The following PAPPA2 variants were observed in gnomAD, a reference collection of about 807,000 sequenced individuals.
PAPPA2 encodes the protein pappalysin-2.
A neutral mutation model predicts 176.4 loss-of-function variants in PAPPA2; 86 were observed. That is an observed-to-expected ratio of 0.49 (90% confidence interval 0.41 to 0.58). The LOEUF (loss-of-function observed/expected upper bound fraction) is 0.58. PAPPA2 is among the 20% of genes least tolerant of loss of function. The probability of loss-of-function intolerance (pLI) is 0.00; values close to 1 mark genes in which losing one functional copy is unlikely to be tolerated. For missense variants in PAPPA2, 2,073 were observed against 2,256.9 expected (o/e 0.92, Z 1.65); for synonymous variants, 809 against 852.2 (o/e 0.95, Z 0.88).
At chr1:176,547,486 T>G (rs1456327643) in intron 1 of PAPPA2, among the ~76,000 whole-genome samples, 2 of 152,204 alleles carry the variant, frequency 1.3e-5, no homozygotes, top group Non-Finnish European at 2.9e-5. Context: ...CCTGCCTCAA[T>G]GACATCTGCC....
At chr1:176,818,892 G>A (rs959200249) in intron 21 of PAPPA2, among the ~76,000 whole-genome samples, 1 of 152,134 alleles carries the variant, frequency 6.6e-6, no homozygotes, top group Non-Finnish European at 1.5e-5. Flanking sequence ...TCACTCTCTT[G>A]TTCTCTGCCC....
chr1:176,664,296 G>C (rs1462835335), intron 3 of PAPPA2, among the ~76,000 whole-genome samples: 1 of 152,188 alleles, frequency 6.6e-6, no homozygotes, highest in African/African-American at 2.4e-5. Context: ...CTTTGTGGAA[G>C]TTCTAGAGGA....
At chr1:176,773,932 A>G (rs1364015588) in intron 17 of PAPPA2, among the ~76,000 whole-genome samples, 3 of 152,156 alleles carry the variant, frequency 2.0e-5, no homozygotes, top group African/African-American at 7.2e-5. Context: ...CACGGATGGC[A>G]TATTCATCCC....
At chr1:176,558,332 C>T (rs930839254) in intron 2 of PAPPA2, among the ~76,000 whole-genome samples, 1 of 152,162 alleles carries the variant, frequency 6.6e-6, no homozygotes, top group African/African-American at 2.4e-5. Context: ...ACACTTGAAT[C>T]GCTTGAAGAT....
chr1:176,826,018 A>G (rs1325522443), intron 21 of PAPPA2, among the ~76,000 whole-genome samples: 1 of 152,130 alleles, frequency 6.6e-6, no homozygotes, highest in East Asian at 1.9e-4. Flanking sequence ...AATTATTACC[A>G]TTGCTACCAT....
At chr1:176,465,103 A>T (rs1651555055) in intron 1 of PAPPA2, among the ~76,000 whole-genome samples, 1 of 152,192 alleles carries the variant, frequency 6.6e-6, no homozygotes, top group Admixed American at 6.5e-5. Context: ...TGTTTGTTGC[A>T]TTCTGACATG....
chr1:176,565,872 G>A (rs1390989744), intron 2 of PAPPA2, among the ~76,000 whole-genome samples: 1 of 152,128 alleles, frequency 6.6e-6, no homozygotes, highest in African/African-American at 2.4e-5. Flanking sequence ...TAGTTGAAGT[G>A]GGTTCTCTCA....
intron 3 of PAPPA2, among the ~76,000 whole-genome samples, chr1:176,607,444 G>A (rs1466455855): frequency 2.0e-5 from 3 of 152,134 alleles, no homozygotes; most frequent in Admixed American, 6.5e-5. Flanking sequence ...TCCCACATAT[G>A]AGTGAGAGCA....
intron 21 of PAPPA2, among the ~76,000 whole-genome samples, chr1:176,813,967 G>A (rs1463874837): frequency 6.6e-6 from 1 of 152,154 alleles, no homozygotes; most frequent in Non-Finnish European, 1.5e-5. Flanking sequence ...TGTATATGGT[G>A]TAAGGAAGGG....
intron 3 of PAPPA2, among the ~76,000 whole-genome samples, chr1:176,647,216 A>G (rs1263081550): frequency 6.6e-6 from 1 of 151,662 alleles, no homozygotes; most frequent in Non-Finnish European, 1.5e-5. Context: ...CTCTTTTGAT[A>G]AATGTCTATT....
chr1:176,676,024 G>A (rs1659271352), intron 4 of PAPPA2, among the ~76,000 whole-genome samples: 1 of 151,956 alleles, frequency 6.6e-6, no homozygotes, highest in African/African-American at 2.4e-5. Flanking sequence ...TGAAACCACA[G>A]CAAGGTAACA....
At chr1:176,750,004 T>C (rs1428745785) in intron 14 of PAPPA2, among the ~76,000 whole-genome samples, 1 of 152,218 alleles carries the variant, frequency 6.6e-6, no homozygotes, top group African/African-American at 2.4e-5. Context: ...AGGAATGTGA[T>C]TGCTGGATCA....
chr1:176,733,257 T>C (rs938178010), intron 12 of PAPPA2, among the ~76,000 whole-genome samples: 1 of 152,182 alleles, frequency 6.6e-6, no homozygotes, highest in Non-Finnish European at 1.5e-5. Context: ...TATTTCTATA[T>C]CCATGATTGA....
chr1:176,529,658 C>T (rs1479606659), intron 1 of PAPPA2, among the ~76,000 whole-genome samples: 2 of 152,192 alleles, frequency 1.3e-5, no homozygotes, highest in Non-Finnish European at 1.5e-5. Flanking sequence ...TCCAAATGTG[C>T]CCTGACGTTG....
At chr1:176,717,519 T>C (rs1558539647) in intron 12 of PAPPA2, among the ~76,000 whole-genome samples, 1 of 152,336 alleles carries the variant, frequency 6.6e-6, no homozygotes, top group East Asian at 1.9e-4. Flanking sequence ...GAGCTCACTG[T>C]CTATGGGGTA....
chr1:176,767,313 G>A (rs1664019311), intron 15 of PAPPA2, among the ~76,000 whole-genome samples: 1 of 152,330 alleles, frequency 6.6e-6, no homozygotes, highest in South Asian at 2.1e-4. Flanking sequence ...GACAGGAGAA[G>A]CACCAGGCAA....
At chr1:176,523,516 A>G (rs1649314891) in intron 1 of PAPPA2, among the ~76,000 whole-genome samples, 1 of 152,210 alleles carries the variant, frequency 6.6e-6, no homozygotes, top group Non-Finnish European at 1.5e-5. Context: ...ACACTTGGGA[A>G]ATTTCTGACA....
At chr1:176,497,579 T>C (rs1572970336) in intron 1 of PAPPA2, among the ~76,000 whole-genome samples, 1 of 152,138 alleles carries the variant, frequency 6.6e-6, no homozygotes, top group Non-Finnish European at 1.5e-5. Context: ...TGAGCCAACA[T>C]TGAAGAAATT....
chr1:176,630,031 C>A (rs1464798842), intron 3 of PAPPA2, among the ~76,000 whole-genome samples: 5 of 152,066 alleles, frequency 3.3e-5, no homozygotes, highest in Non-Finnish European at 5.9e-5. Context: ...TGCACTCCAG[C>A]CTGGGGGACA....
Sources: gnomAD v4.1 joint callset for allele counts (sites outside exome capture counted in the v4.1 genomes callset) on GRCh38, gnomAD v4.1.1 for gene constraint, MANE v1.5 for transcripts, NCBI Gene and HGNC (gene_info 2026-07-23, HGNC 2026-07-21) for gene names.